GALNT13: variants seen among roughly 807,000 people sequenced by gnomAD.
The protein encoded by GALNT13 is polypeptide N-acetylgalactosaminyltransferase 13, also known as UDP-GalNAc:polypeptide N-acetylgalactosaminyltransferase 13.
GALNT13 carries 28 observed loss-of-function variants against 64.2 expected under a neutral mutation model. The ratio of observed to expected loss-of-function variants is 0.44; its 90% CI spans 0.32 to 0.60. GALNT13 has a LOEUF of 0.60. GALNT13 is among the 20% of genes least tolerant of loss of function. The pLI is 0.05. For missense variants in GALNT13, 577 were observed against 669.8 expected (o/e 0.86, Z 1.53); for synonymous variants, 214 against 224.6 (o/e 0.95, Z 0.42).
the GALNT13 span, among the ~76,000 whole-genome samples, chr2:153,662,779 A>G: frequency 3.3e-5 from 5 of 152,206 alleles, no homozygotes; most frequent in African/African-American, 1.2e-4. Context: ...TGAAGCAAAC[A>G]TGCTTAGAAA....
At chr2:153,920,897 G>C (rs1689711396) in intron 2 of GALNT13, among the ~76,000 whole-genome samples, 1 of 152,146 alleles carries the variant, frequency 6.6e-6, no homozygotes, top group African/African-American at 2.4e-5. Flanking sequence ...CTGATCATTT[G>C]AGAAATGCAG....
At chr2:154,037,237 G>A (rs1698711886) in intron 3 of GALNT13, among the ~76,000 whole-genome samples, 1 of 152,070 alleles carries the variant, frequency 6.6e-6, no homozygotes, top group Non-Finnish European at 1.5e-5. Flanking sequence ...AGTGTGTGTG[G>A]TGGTTCTGCC....
chr2:153,125,693 T>C, the GALNT13 span, among the ~76,000 whole-genome samples: 2 of 152,206 alleles, frequency 1.3e-5, no homozygotes, highest in Non-Finnish European at 2.9e-5. Context: ...GTGAAATACA[T>C]AAAAGTACGC....
At chr2:153,319,879 G>T in the GALNT13 span, among the ~76,000 whole-genome samples, 3 of 152,112 alleles carry the variant, frequency 2.0e-5, no homozygotes, top group Admixed American at 2.0e-4. Context: ...GGAAGGGTGG[G>T]AAGAGAGTGG....
the GALNT13 span, among the ~76,000 whole-genome samples, chr2:153,285,320 A>T: frequency 6.6e-6 from 1 of 152,166 alleles, no homozygotes; most frequent in Non-Finnish European, 1.5e-5. Flanking sequence ...TTGGGTAGGG[A>T]TACAGAGCTA....
At chr2:153,750,076 T>G in the GALNT13 span, among the ~76,000 whole-genome samples, 1 of 151,886 alleles carries the variant, frequency 6.6e-6, no homozygotes, top group African/African-American at 2.4e-5. Context: ...TAATCATCAA[T>G]GAAAGGATCA....
the GALNT13 span, among the ~76,000 whole-genome samples, chr2:153,158,660 A>G: frequency 6.6e-6 from 1 of 152,138 alleles, no homozygotes; most frequent in African/African-American, 2.4e-5. Flanking sequence ...AGGTATTCTA[A>G]GGAAAGCTGG....
intron 4 of GALNT13, among the ~76,000 whole-genome samples, chr2:154,207,934 C>T (rs1328750688): frequency 6.6e-6 from 1 of 152,248 alleles, no homozygotes; most frequent in South Asian, 2.1e-4. Context: ...TGGAATAGGA[C>T]TTTTCAATGT....
chr2:153,612,435 A>C, the GALNT13 span, among the ~76,000 whole-genome samples: 1 of 152,198 alleles, frequency 6.6e-6, no homozygotes, highest in Non-Finnish European at 1.5e-5. Context: ...TACATTTTGA[A>C]AGTAACAAAG....
At chr2:154,394,077 C>CAAAAA (rs369267777) in intron 9 of GALNT13, among the ~76,000 whole-genome samples, 2,435 of 31,982 alleles carry the variant, frequency 0.076, 657 homozygotes, top group Non-Finnish European at 0.081. Context: ...GACTCCGTCT[C>CAAAAA]AAAAAAAAAA....
At chr2:153,127,135 A>G in the GALNT13 span, among the ~76,000 whole-genome samples, 2 of 150,628 alleles carry the variant, frequency 1.3e-5, no homozygotes, top group Non-Finnish European at 3.0e-5. Context: ...TGGCATGGAC[A>G]ATGGAGTATT....
At chr2:154,275,906 A>G (rs1401025777) in intron 8 of GALNT13, among the ~76,000 whole-genome samples, 2 of 152,336 alleles carry the variant, frequency 1.3e-5, no homozygotes, top group East Asian at 3.9e-4. Context: ...CTCTTGTATC[A>G]GTGTGACCTG....
chr2:153,270,868 A>G, the GALNT13 span, among the ~76,000 whole-genome samples: 1 of 152,128 alleles, frequency 6.6e-6, no homozygotes, highest in East Asian at 1.9e-4. Flanking sequence ...AACAAAAACA[A>G]TAACATACAT....
At chr2:153,423,859 CA>C in the GALNT13 span, among the ~76,000 whole-genome samples, 11 of 149,926 alleles carry the variant, frequency 7.3e-5, no homozygotes, top group Non-Finnish European at 1.5e-4. Flanking sequence ...TCTATACTTT[CA>C]AAAAAAACCC....
At chr2:153,491,382 G>A in the GALNT13 span, among the ~76,000 whole-genome samples, 2 of 151,926 alleles carry the variant, frequency 1.3e-5, no homozygotes, top group South Asian at 4.1e-4. Flanking sequence ...ATACTTAATA[G>A]TAAAGACATT....
At chr2:153,440,792 G>C in the GALNT13 span, among the ~76,000 whole-genome samples, 1 of 151,696 alleles carries the variant, frequency 6.6e-6, no homozygotes, top group African/African-American at 2.4e-5. Flanking sequence ...ACTTTTTGTT[G>C]GTATTGTTTG....
the GALNT13 span, among the ~76,000 whole-genome samples, chr2:153,293,797 G>C: frequency 6.6e-6 from 1 of 151,484 alleles, no homozygotes; most frequent in African/African-American, 2.4e-5. Flanking sequence ...GTGTGTCTGT[G>C]TGTGTGTGTG....
the GALNT13 span, among the ~76,000 whole-genome samples, chr2:153,646,702 A>G: frequency 8.9e-4 from 136 of 152,076 alleles, 3 homozygotes; most frequent in East Asian, 0.026. Context: ...TATGAGTGAG[A>G]ATATGCGGTG....
At chr2:153,394,078 C>T in the GALNT13 span, among the ~76,000 whole-genome samples, 1 of 151,668 alleles carries the variant, frequency 6.6e-6, no homozygotes, top group East Asian at 1.9e-4. Context: ...ACAGAAGTGA[C>T]GTGTGTTGGT....
Sources: allele counts gnomAD v4.1 joint callset (sites outside exome capture counted in the v4.1 genomes callset), GRCh38; gene constraint gnomAD v4.1.1; transcripts MANE v1.5; gene names NCBI Gene and HGNC (gene_info 2026-07-23, HGNC 2026-07-21).